The following SDCCAG8 variants were observed in gnomAD, a reference collection of about 807,000 sequenced individuals.
The protein encoded by SDCCAG8 is serologically defined colon cancer antigen 8.
Under a neutral mutation model 101.8 loss-of-function variants are expected in SDCCAG8, and 74 were observed. The ratio of observed to expected loss-of-function variants is 0.73; its 90% CI spans 0.60 to 0.88. The LOEUF (loss-of-function observed/expected upper bound fraction) is 0.88. SDCCAG8 is among the 40% of genes least tolerant of loss of function. The pLI is 0.00. For synonymous variants in SDCCAG8, 281 were observed against 292.9 expected (o/e 0.96, Z 0.41); for missense variants, 787 against 822.6 (o/e 0.96, Z 0.53).
At chr1:243,495,522 G>A (rs576470330) in intron 17 of SDCCAG8, among the ~76,000 whole-genome samples, 23 of 152,298 alleles carry the variant, frequency 1.5e-4, no homozygotes, top group South Asian at 4.1e-4. Flanking sequence ...GGCCTTAACC[G>A]TGAGCCCCCG....
chr1:243,348,202 A>ATTT (rs74162279), intron 12 of SDCCAG8, among the ~76,000 whole-genome samples: 123 of 131,648 alleles, frequency 9.3e-4, no homozygotes, highest in Middle Eastern at 4.1e-3. Flanking sequence ...CGCCCGGCTA[A>ATTT]TTTTTTTTTT....
In SDCCAG8 at chr1:243,308,274, G is replaced by A. The variant is rs1017498422; in HGVS notation, c.929+97G>A. The A allele has an allele frequency of 1.0e-5, 13 of 1,266,674 alleles. No individual in the cohort carries two copies. The African/African-American group carries it at 1.6e-4, about 16-fold the overall frequency. 78.5% of individuals were successfully genotyped at this position (1,266,674 alleles called of 1,614,324 possible). A position where few individuals can be genotyped will look rare whatever the true frequency, so the allele number is the denominator to read the frequency against. On this transcript the variant is annotated intron_variant, in intron 8 of 17. Coordinates refer to ENST00000366541, the MANE Select transcript of SDCCAG8 (RefSeq NM_006642.5). The stretch of plus-strand genomic sequence containing the variant: ...CTTCTAGCCCTATGCTAAGTCACAT[G>A]TGATTATTGTTAATCTTCAAATACA...
chr1:243,280,545 TTTC>T (rs2068940892), intron 4 of SDCCAG8, among the ~76,000 whole-genome samples: 1 of 152,188 alleles, frequency 6.6e-6, no homozygotes, highest in Non-Finnish European at 1.5e-5. Flanking sequence ...ATTTGAAATC[TTTC>T]TTCTTTTCTA....
intron 12 of SDCCAG8, among the ~76,000 whole-genome samples, chr1:243,360,287 A>G (rs1325960379): frequency 2.7e-5 from 4 of 150,252 alleles, no homozygotes; most frequent in Non-Finnish European, 4.4e-5. Flanking sequence ...CTGGGACTAC[A>G]GGCACCCGCC....
chr1:243,340,488 A>T (rs964847224), intron 10 of SDCCAG8, among the ~76,000 whole-genome samples: 1 of 152,104 alleles, frequency 6.6e-6, no homozygotes. Context: ...AACCTACATG[A>T]GAAATGAGGG....
chr1:243,357,400 A>G (rs991322846), intron 12 of SDCCAG8, among the ~76,000 whole-genome samples: 2 of 152,126 alleles, frequency 1.3e-5, no homozygotes. Flanking sequence ...AAAAAAAAAA[A>G]GAAGGTAACT....
intron 16 of SDCCAG8, among the ~76,000 whole-genome samples, chr1:243,478,927 C>T (rs1662943622): frequency 7.2e-6 from 1 of 138,496 alleles, no homozygotes; most frequent in African/African-American, 2.8e-5. Flanking sequence ...CACTGCACTC[C>T]AGCCTGGCCA....
At chr1:243,281,431 C>T (rs1205703890) in intron 4 of SDCCAG8, among the ~76,000 whole-genome samples, 1 of 151,160 alleles carries the variant, frequency 6.6e-6, no homozygotes, top group Non-Finnish European at 1.5e-5. Context: ...CCACCTTGCC[C>T]AGTTATTATA....
chr1:243,445,808 G>A (rs2082861902), intron 16 of SDCCAG8, among the ~76,000 whole-genome samples: 1 of 152,172 alleles, frequency 6.6e-6, no homozygotes, highest in East Asian at 1.9e-4. Flanking sequence ...CACCTAATTG[G>A]ACAAACTTTT....
intron 8 of SDCCAG8, 92 bp downstream of exon 8, chr1:243,308,269 C>T: frequency 7.7e-7 from 1 of 1,290,420 alleles, no homozygotes; most frequent in South Asian, 1.2e-5. Context: ...TATGCTAAGT[C>T]ACATGTGATT....
intron 10 of SDCCAG8, among the ~76,000 whole-genome samples, chr1:243,334,256 C>G (rs1253711217): frequency 6.6e-6 from 1 of 152,156 alleles, no homozygotes; most frequent in African/African-American, 2.4e-5. Flanking sequence ...TATCTGTTCT[C>G]CAAACTGCAG....
At chr1:243,298,350 C>CTTTTTT (rs35061154) in intron 6 of SDCCAG8, among the ~76,000 whole-genome samples, 2 of 51,080 alleles carry the variant, frequency 3.9e-5, no homozygotes. Flanking sequence ...CGCACCCTGC[C>CTTTTTT]TTTTTTTTTT....
chr1:243,440,517 T>C (rs991633944), intron 16 of SDCCAG8, among the ~76,000 whole-genome samples: 1 of 152,116 alleles, frequency 6.6e-6, no homozygotes, highest in Non-Finnish European at 1.5e-5. Flanking sequence ...TATGGGTCAG[T>C]TCCAGGAAGA....
At chr1:243,275,912 G>A (rs1448768641) in intron 4 of SDCCAG8, among the ~76,000 whole-genome samples, 1 of 135,548 alleles carries the variant, frequency 7.4e-6, no homozygotes, top group African/African-American at 2.8e-5. Flanking sequence ...TCGCCAGACT[G>A]GAGTGCGGTG....
chr1:243,428,197 G>T (rs972530384), intron 16 of SDCCAG8, among the ~76,000 whole-genome samples: 1 of 152,176 alleles, frequency 6.6e-6, no homozygotes, highest in African/African-American at 2.4e-5. Context: ...TCCATTTCCA[G>T]ATGGAGAACT....
At chr1:243,425,740 T>G (rs1639618857) in intron 15 of SDCCAG8, among the ~76,000 whole-genome samples, 1 of 152,222 alleles carries the variant, frequency 6.6e-6, no homozygotes, top group South Asian at 2.1e-4. Context: ...ATTTTGAGAC[T>G]TGGATTGTCA....
chr1:243,372,612 A>T (rs1185263051), intron 12 of SDCCAG8, among the ~76,000 whole-genome samples: 1 of 152,032 alleles, frequency 6.6e-6, no homozygotes, highest in African/African-American at 2.4e-5. Flanking sequence ...TAAAAAATAT[A>T]TTTTAATTAT....
intron 10 of SDCCAG8, among the ~76,000 whole-genome samples, chr1:243,339,151 T>TGATGGGTGGCAGAGGGAGGAATCCTAAG (rs1282947854): frequency 6.9e-6 from 1 of 145,862 alleles, no homozygotes; most frequent in Non-Finnish European, 1.5e-5. Context: ...AGGAAGGGAA[T>TGATGGGTGGCAGAGGGAGGAATCCTAAG]GATGGGTGGC....
chr1:243,326,500 CA>C (rs1456649814), intron 9 of SDCCAG8, among the ~76,000 whole-genome samples: 1 of 152,142 alleles, frequency 6.6e-6, no homozygotes, highest in Non-Finnish European at 1.5e-5. Context: ...TTGATTTGCA[CA>C]TTATCTGTCC....
Sources: gnomAD v4.1 joint callset for allele counts (sites outside exome capture counted in the v4.1 genomes callset) on GRCh38, gnomAD v4.1.1 for gene constraint, MANE v1.5 for transcripts, NCBI Gene and HGNC (gene_info 2026-07-23, HGNC 2026-07-21) for gene names.